MYH11: variants seen among roughly 807,000 people sequenced by gnomAD.
MYH11 encodes the protein myosin heavy chain 11, also known as myosin-11.
In MYH11, 80 loss-of-function variants were observed where a neutral mutation model predicts 246.6. That is an observed-to-expected ratio of 0.32 (90% confidence interval 0.27 to 0.39). MYH11 has a LOEUF of 0.39. Among genes scored for constraint, MYH11 ranks in the 10% least tolerant of loss-of-function variants. The probability of loss-of-function intolerance (pLI) is 1.00; values close to 1 mark genes in which losing one functional copy is unlikely to be tolerated. For missense variants in MYH11, 2,158 were observed against 2,546.8 expected, an observed-to-expected ratio of 0.85 and a Z score of 3.29; for synonymous variants, 1,071 against 1,015.5, an observed-to-expected ratio of 1.05 and a Z score of -1.04.
chr16:15,824,592 G>A (rs1430093338), intron 2 of MYH11, among the ~76,000 whole-genome samples: 1 of 152,148 alleles, frequency 6.6e-6, no homozygotes, highest in Non-Finnish European at 1.5e-5. Context: ...GAGAGGGAAT[G>A]TCGTTAACTG....
intron 3 of MYH11, among the ~76,000 whole-genome samples, chr16:15,807,474 C>T (rs778121480): frequency 2.6e-4 from 39 of 152,178 alleles, no homozygotes; most frequent in Non-Finnish European, 2.6e-4. Context: ...GAAGCCTTCA[C>T]GGCAGAGGTG....
At chr16:15,828,595 C>T (rs981166436) in intron 2 of MYH11, among the ~76,000 whole-genome samples, 5 of 149,812 alleles carry the variant, frequency 3.3e-5, no homozygotes, top group African/African-American at 1.2e-4. Flanking sequence ...GAGTTCGAGA[C>T]CAGCCTGGCC....
intron 26 of MYH11, among the ~76,000 whole-genome samples, chr16:15,733,574 G>T (rs1200167188): frequency 6.6e-6 from 1 of 151,030 alleles, no homozygotes; most frequent in African/African-American, 2.4e-5. Context: ...ATCGAGTCTT[G>T]CTCCGTCGTC....
intron 2 of MYH11, among the ~76,000 whole-genome samples, chr16:15,837,164 C>T (rs1434465011): frequency 1.3e-5 from 2 of 152,196 alleles, no homozygotes; most frequent in African/African-American, 4.8e-5. Context: ...ACATTCCCCT[C>T]TGTGACAAGG....
intron 37 of MYH11, chr16:15,717,928 C>T: frequency 5.9e-6 from 2 of 337,630 alleles, no homozygotes; most frequent in East Asian, 7.0e-5. Context: ...CTGCAGGTTA[C>T]TGGATGGTCC....
At chr16:15,827,306 T>A (rs925139344) in intron 2 of MYH11, among the ~76,000 whole-genome samples, 1 of 152,148 alleles carries the variant, frequency 6.6e-6, no homozygotes, top group Admixed American at 6.5e-5. Context: ...CAGGGAAACC[T>A]CCAGGTGGGG....
intron 4 of MYH11, chr16:15,791,915 T>A (rs1001181689): frequency 6.6e-6 from 1 of 151,952 alleles, no homozygotes; most frequent in African/African-American, 2.4e-5. Context: ...TCTCAAGTGA[T>A]CTCTAGCCTC....
At chr16:15,758,732 G>A (rs1054585417) in intron 12 of MYH11, among the ~76,000 whole-genome samples, 10 of 151,670 alleles carry the variant, frequency 6.6e-5, no homozygotes, top group Non-Finnish European at 1.3e-4. Context: ...CCTGGGAGGC[G>A]GAGGTTGCGG....
rs2040398500 is a variant in MYH11, at chr16:15,720,305, T to C, written c.4799A>G (p.Glu1600Gly). 6.2e-7 allele frequency: 1 copy of C among 1,613,868 alleles called. No homozygotes were observed. The highest frequency in any genetic ancestry group is 1.3e-5 in the African/African-American group (1 of 74,912). The stretch of plus-strand genomic sequence containing the variant: ...CTCGTCTTCCAGTTCCGTCTCATAC[T>C]CGTGAAGCTGGGCGAGGAATAGAGA... Reference protein sequence around the residue: ...KRRQLQRQLHEYETELEDERK... With the variant: ...KRRQLQRQLHGYETELEDERK... Residue 1600 changes from glutamate to glycine, a missense_variant, in exon 34 of 41, where the codon GAG (glutamate) becomes GGG (glycine). Around this residue, in one of 11 missense-constraint regions of MYH11, gnomAD observed 1,013 missense variants for 993.5 expected, o/e 1.02. Transcript: ENST00000300036.
At chr16:15,778,055 T>C (rs1325227756) in intron 7 of MYH11, among the ~76,000 whole-genome samples, 1 of 152,134 alleles carries the variant, frequency 6.6e-6, no homozygotes, top group African/African-American at 2.4e-5. Flanking sequence ...GCCAAGCACG[T>C]GTTCCACAGG....
intron 10 of MYH11, among the ~76,000 whole-genome samples, chr16:15,761,603 G>A (rs1406750137): frequency 1.3e-5 from 2 of 152,122 alleles, no homozygotes; most frequent in Non-Finnish European, 2.9e-5. Flanking sequence ...CTGTCGCCCG[G>A]GCTGAAGTGC....
chr16:15,831,464 GGTGTGTGTGTGT>G (rs59352444), intron 2 of MYH11, among the ~76,000 whole-genome samples: 2 of 145,586 alleles, frequency 1.4e-5, no homozygotes, highest in Non-Finnish European at 1.5e-5. Context: ...TTATGTTTGG[GGTGTGTGTGTGT>G]GTGTGTGTGT....
rs2041233131 is a variant in MYH11 at position 15,740,170 on chromosome 16, C to A, written c.2878G>T (p.Glu960Ter). ...QQMLDLEEQLEEEEAARQKLQ... is the reference protein window; with the variant it reads ...QQMLDLEEQL Reference sequence around the variant, plus strand: ...TTCTGCCTGGCAGCTTCCTCCTCCTCCAGCTGTTCTTCAAGGTCCTTTGTT... The same window carrying A: ...TTCTGCCTGGCAGCTTCCTCCTCCTACAGCTGTTCTTCAAGGTCCTTTGTT... Residue 960 changes from glutamate (E) to a stop codon, truncating the protein, a stop_gained, in exon 23 of 41, where the codon GAG becomes TAG. Coordinates refer to ENST00000300036, the MANE Select transcript of MYH11 (RefSeq NM_002474.3). LOFTEE classifies it high-confidence loss of function. 1 of 1,614,076 alleles carries A rather than the reference C, an allele frequency of 6.2e-7. No individual in the cohort carries two copies. The highest frequency in any genetic ancestry group is 1.7e-5 in the Admixed American group (1 of 60,000).
chr16:15,808,058 C>G (rs1413396526), intron 3 of MYH11, among the ~76,000 whole-genome samples: 1 of 152,180 alleles, frequency 6.6e-6, no homozygotes, highest in Non-Finnish European at 1.5e-5. Flanking sequence ...GTAATCAAAA[C>G]CCGTCTCTGC....
At chr16:15,789,056 A>G (rs931935472) in intron 4 of MYH11, among the ~76,000 whole-genome samples, 5 of 152,078 alleles carry the variant, frequency 3.3e-5, no homozygotes, top group African/African-American at 7.2e-5. Context: ...CTCTACATGA[A>G]TTATTTCCTT....
chr16:15,842,048 A>T (rs2044065812), intron 1 of MYH11, among the ~76,000 whole-genome samples: 1 of 152,052 alleles, frequency 6.6e-6, no homozygotes, highest in South Asian at 2.1e-4. Context: ...TCCAATACCT[A>T]TTTTTTTCCT....
chr16:15,725,155 A>T (rs2151220485), intron 28 of MYH11, 163 bp from the exon 29 acceptor site: 1 of 649,524 alleles, frequency 1.5e-6, no homozygotes, highest in East Asian at 2.7e-5. Context: ...AAAAACACAC[A>T]CACACACAAA....
intron 2 of MYH11, among the ~76,000 whole-genome samples, chr16:15,830,542 A>G (rs2043706639): frequency 6.6e-6 from 1 of 151,932 alleles, no homozygotes; most frequent in African/African-American, 2.4e-5. Flanking sequence ...GCCATTTTGG[A>G]GGGGTGCAGG....
chr16:15,757,354 CAA>C (rs2041752036), intron 13 of MYH11, among the ~76,000 whole-genome samples: 2 of 148,478 alleles, frequency 1.3e-5, no homozygotes, highest in African/African-American at 4.9e-5. Flanking sequence ...ACTGAAAATA[CAA>C]AAGTTAGGTG....
Sources: gnomAD v4.1 joint callset for allele counts (sites outside exome capture counted in the v4.1 genomes callset) on GRCh38, gnomAD v4.1.1 for gene constraint, gnomAD v4.1.1 regional missense constraint, MANE v1.5 for transcripts, NCBI Gene and HGNC (gene_info 2026-07-23, HGNC 2026-07-21) for gene names.